The following TTC34 variants were observed in gnomAD, a reference collection of about 807,000 sequenced individuals.
TTC34 encodes tetratricopeptide repeat domain 34.
Under a neutral mutation model 40.7 loss-of-function variants are expected in TTC34, and 44 were observed. That is an observed-to-expected ratio of 1.08 (90% CI 0.85 to 1.39). The LOEUF (loss-of-function observed/expected upper bound fraction) is 1.39. Ranked by LOEUF, TTC34 falls within the 40% of genes most tolerant of loss-of-function variation. TTC34 has a pLI of 0.00. For synonymous variants in TTC34, 422 were observed against 398.6 expected, an observed-to-expected ratio of 1.06 and a Z score of -0.70; for missense variants, 884 against 838.0, an observed-to-expected ratio of 1.05 and a Z score of -0.68.
chr1:2,767,966 C>G (rs1641832309), intron 6 of TTC34, among the ~76,000 whole-genome samples: 1 of 150,784 alleles, frequency 6.6e-6, no homozygotes, highest in Non-Finnish European at 1.5e-5. Flanking sequence ...ACAGCACCCC[C>G]ACTCACAGGT....
Position 2,694,675 on chromosome 1 carries a change from A to T in TTC34, c.2227-49112T>A, listed in dbSNP as rs1640778133. Reference sequence around the variant, plus strand: ...GGCCTGGAACAGCACACACACCGCCAGGTGACCATTGGACACCCTGGAGCA... The same window carrying T: ...GGCCTGGAACAGCACACACACCGCCTGGTGACCATTGGACACCCTGGAGCA... On this transcript the variant is annotated intron_variant, in intron 6 of 8. Transcript: ENST00000401095. 2.5e-5 allele frequency among the ~76,000 whole-genome samples: 2 copies of T among 81,336 alleles called. 1 individual carries two copies. The highest frequency in any genetic ancestry group is 6.1e-5 in the Non-Finnish European group (2 of 32,906). 53.4% of individuals were successfully genotyped at this position (81,336 alleles called of 152,430 possible). A position where few individuals can be genotyped will look rare whatever the true frequency, so the allele number is the denominator to read the frequency against.
At chr1:2,757,523 A>G (rs1394425859) in intron 6 of TTC34, among the ~76,000 whole-genome samples, 3 of 135,594 alleles carry the variant, frequency 2.2e-5, no homozygotes, top group Admixed American at 7.2e-5. Context: ...CCAGGTGAGC[A>G]TCTGACAGCC....
At chr1:2,688,277 C>A (rs1218093830) in intron 6 of TTC34, among the ~76,000 whole-genome samples, 13 of 132,448 alleles carry the variant, frequency 9.8e-5, no homozygotes, top group African/African-American at 4.1e-4. Context: ...CAGCCTGGAT[C>A]AGCACCCACA....
At chr1:2,641,208 G>T in exon 9 of TTC34, 1 of 711,518 alleles carries the variant, frequency 1.4e-6, no homozygotes. Flanking sequence ...TTGTGGGGAG[G>T]GTTGGGAAGG....
chr1:2,775,470 A>G (rs1643051429), intron 6 of TTC34: 2 of 146,534 alleles, frequency 1.4e-5, no homozygotes, highest in African/African-American at 2.7e-5. Context: ...CAGTACCCAC[A>G]CCCCCAGGTG....
At chr1:2,691,643 A>T (rs941816783) in intron 6 of TTC34, among the ~76,000 whole-genome samples, 1 of 112,452 alleles carries the variant, frequency 8.9e-6, no homozygotes, top group South Asian at 2.8e-4. Context: ...CGCACGTGAC[A>T]GCCTGGAACA....
chr1:2,797,170 C>G (rs948867431), intron 2 of TTC34, among the ~76,000 whole-genome samples: 1 of 152,228 alleles, frequency 6.6e-6, no homozygotes, highest in Non-Finnish European at 1.5e-5. Context: ...CCCCGTGTCT[C>G]ATGGGGATGG....
chr1:2,751,156 CA>C (rs1641306046), intron 6 of TTC34, among the ~76,000 whole-genome samples: 1 of 111,626 alleles, frequency 9.0e-6, no homozygotes, highest in Admixed American at 9.4e-5. Flanking sequence ...CACCCTGGAG[CA>C]GCACGCACAT....
chr1:2,776,423 C>A (rs1643169520), intron 6 of TTC34: 2 of 132,976 alleles, frequency 1.5e-5, no homozygotes. Flanking sequence ...AAGATTCCAA[C>A]AGCATGGAAC....
At chr1:2,749,927 C>T (rs1641261562) in intron 6 of TTC34, among the ~76,000 whole-genome samples, 1 of 101,146 alleles carries the variant, frequency 9.9e-6, no homozygotes, top group Non-Finnish European at 1.9e-5. Context: ...ACCCACAACC[C>T]CAGGCGAGCA....
intron 6 of TTC34, among the ~76,000 whole-genome samples, chr1:2,752,340 A>G (rs1270476872): frequency 7.7e-6 from 1 of 129,128 alleles, no homozygotes; most frequent in Non-Finnish European, 1.6e-5. Flanking sequence ...CCCCCAGGTG[A>G]GCATCTGACC....
intron 6 of TTC34, among the ~76,000 whole-genome samples, chr1:2,758,027 C>T (rs1160841307): frequency 6.0e-3 from 589 of 98,594 alleles, no homozygotes; most frequent in African/African-American, 0.014. Flanking sequence ...GTAACAGCAC[C>T]CACACCCCCA....
chr1:2,776,472 A>G (rs1485371970), intron 6 of TTC34: 42 of 103,490 alleles, frequency 4.1e-4, no homozygotes, highest in African/African-American at 2.1e-3. Flanking sequence ...GCAGCCTGGA[A>G]AAACAACCCC....
At chr1:2,699,191 A>G (rs1456874584) in intron 6 of TTC34, among the ~76,000 whole-genome samples, 70 of 99,994 alleles carry the variant, frequency 7.0e-4, no homozygotes, top group Middle Eastern at 0.018. Flanking sequence ...GCATCTGACA[A>G]CCTGGAGCAG....
In TTC34 at chr1:2,785,658, C is replaced by T. The variant is rs965969491; in HGVS notation, c.2059+161G>A. Among the ~76,000 whole-genome samples the T allele has an allele frequency of 2.0e-5, 3 of 152,198 alleles. No homozygotes were observed. In the East Asian group the frequency reaches 5.8e-4, roughly 29 times the overall value. On this transcript the variant is annotated intron_variant, in intron 5 of 8. Coordinates refer to ENST00000401095, the Ensembl canonical transcript of TTC34. ...GTGCACCCACCTTGAAGGTGAAATG[C>T]CCTCAGCGAGTGGCCCTTGCCCTGT...
At chr1:2,644,211 G>A (rs1467475785) in intron 8 of TTC34, 53 bp downstream of exon 8, 2 of 1,494,644 alleles carry the variant, frequency 1.3e-6, no homozygotes, top group East Asian at 2.5e-5. Flanking sequence ...GGGGTCTCAT[G>A]CCTGTGTGCT....
At chr1:2,653,488 C>G (rs796198137) in intron 6 of TTC34, among the ~76,000 whole-genome samples, 42 of 33,344 alleles carry the variant, frequency 1.3e-3, no homozygotes, top group Admixed American at 2.6e-3. Flanking sequence ...AGCACCCACA[C>G]CCCCAGGCGA....
intron 6 of TTC34, 131 bp downstream of exon 6, chr1:2,783,478 A>G: frequency 2.1e-6 from 2 of 955,886 alleles, no homozygotes; most frequent in Non-Finnish European, 2.8e-6. Flanking sequence ...GGATGGGAAC[A>G]TGGGTTTTGA....
At chr1:2,696,899 T>C (rs1193926013) in intron 6 of TTC34, among the ~76,000 whole-genome samples, 1 of 31,464 alleles carries the variant, frequency 3.2e-5, no homozygotes, top group Admixed American at 4.3e-4. Context: ...GCGCATCTGA[T>C]GGTCTGGAGC....
Sources: allele counts gnomAD v4.1 joint callset (sites outside exome capture counted in the v4.1 genomes callset), GRCh38; gene constraint gnomAD v4.1.1; transcripts MANE v1.5; gene names NCBI Gene and HGNC (gene_info 2026-07-23, HGNC 2026-07-21).